RALYL: variants seen among roughly 807,000 people sequenced by gnomAD.
RALYL encodes the protein RALY RNA binding protein like, also known as RNA-binding Raly-like protein.
In RALYL, 29 loss-of-function variants were observed where a neutral mutation model predicts 35.1. The observed-to-expected ratio is 0.83, with a 90% CI of 0.61 to 1.13. RALYL has a LOEUF of 1.13. Ranked by LOEUF, RALYL falls within the 50% of genes most tolerant of loss-of-function variation. The pLI is 0.00. For synonymous variants in RALYL, 120 were observed against 127.6 expected, an observed-to-expected ratio of 0.94 and a Z score of 0.40; for missense variants, 359 against 360.4, an observed-to-expected ratio of 1.00 and a Z score of 0.03.
rs1811907199 is a variant in RALYL, at chr8:84,184,225, A to T, written c.-223A>T. On this transcript the variant is annotated 5_prime_UTR_variant, in exon 1 of 9. Transcript: ENST00000521268. ...TGACTTTTGCACATTTGACTTTTTT[A>T]AAAAACCGAGATAATTTTATGATAG... 2 of 152,224 alleles carry T rather than the reference A, an allele frequency of 1.3e-5. No individual in the cohort carries two copies. Among genetic ancestry groups the T allele is most frequent in the African/African-American group, 2.4e-5 (1 of 41,512 alleles). The allele number at this position is 152,224 out of a possible 1,614,324, so 9.4% of individuals were successfully genotyped here.
chr8:84,227,716 A>G (rs1824296386), intron 1 of RALYL, among the ~76,000 whole-genome samples: 1 of 152,124 alleles, frequency 6.6e-6, no homozygotes, highest in Admixed American at 6.6e-5. Flanking sequence ...TGTTACTATT[A>G]TGGAATAATG....
At chr8:84,261,907 A>T (rs995161220) in intron 1 of RALYL, among the ~76,000 whole-genome samples, 3 of 152,136 alleles carry the variant, frequency 2.0e-5, no homozygotes, top group Non-Finnish European at 4.4e-5. Flanking sequence ...TTCATAATTT[A>T]AAAAAATAAA....
At chr8:84,627,681 C>A (rs1033067630) in intron 2 of RALYL, among the ~76,000 whole-genome samples, 4 of 151,740 alleles carry the variant, frequency 2.6e-5, no homozygotes, top group Admixed American at 6.6e-5. Context: ...ATTTCTCTAG[C>A]TCAGACCTAT....
intron 1 of RALYL, among the ~76,000 whole-genome samples, chr8:84,378,123 CAG>C (rs1275949568): frequency 6.6e-6 from 1 of 151,900 alleles, no homozygotes; most frequent in Non-Finnish European, 1.5e-5. Context: ...CAATCAAAAA[CAG>C]ATATCCACTT....
chr8:84,350,630 C>T lies in RALYL; in HGVS notation c.-24+166206C>T, dbSNP rs1049503190. ...GGCACTAGTAAACTTCACAAAGCCA[C>T]GTTAATCAGAGTGCTACACCATTTA... On this transcript the variant is annotated intron_variant, in intron 1 of 8. Transcript: ENST00000521268. 3.3e-5 allele frequency among the ~76,000 whole-genome samples: 5 copies of T among 150,036 alleles called. 1 individual carries two copies. The highest frequency in any genetic ancestry group is 9.9e-5 in the African/African-American group (4 of 40,248).
At chr8:84,808,277 T>A (rs897969116) in intron 4 of RALYL, among the ~76,000 whole-genome samples, 1 of 152,212 alleles carries the variant, frequency 6.6e-6, no homozygotes, top group East Asian at 1.9e-4. Context: ...TCCCACTTTA[T>A]GTTTTTGTTT....
intron 8 of RALYL, among the ~76,000 whole-genome samples, chr8:84,888,385 A>G (rs1843255838): frequency 6.6e-6 from 1 of 152,202 alleles, no homozygotes; most frequent in Non-Finnish European, 1.5e-5. Context: ...CCTTTCCTGC[A>G]TAACCACATC....
rs779504337 is a variant in RALYL at position 84,529,586 on chromosome 8, T to G, written c.256+9T>G. The G allele has an allele frequency of 5.0e-6, 8 of 1,603,718 alleles. No homozygotes were observed. The highest frequency in any genetic ancestry group is 3.4e-4 in the Middle Eastern group (2 of 5,808). On this transcript the variant is annotated intron_variant, in intron 2 of 8. Coordinates refer to ENST00000521268, the MANE Select transcript of RALYL (RefSeq NM_173848.7). ...CGCCGGCCAACCACTTGGTAAGTCA[T>G]GCTCAGACATGGATCTCACGTTATT...
rs1053647755 is a variant in RALYL, at chr8:84,342,295, T to TATATATATATATATAA, written c.-24+157872_-24+157873insTATATATATATATAAA. Among the ~76,000 whole-genome samples, 5 of 119,698 alleles carry TATATATATATATATAA rather than the reference T, an allele frequency of 4.2e-5. 1 individual carries two copies. The highest frequency in any genetic ancestry group is 1.9e-4 in the African/African-American group (5 of 26,650). 78.5% of individuals were successfully genotyped at this position (119,698 alleles called of 152,430 possible). On this transcript the variant is annotated intron_variant, in intron 1 of 8. Coordinates refer to ENST00000521268, the MANE Select transcript of RALYL (RefSeq NM_173848.7). ...ATCGTTCAATATATATATATATATA[T>TATATATATATATATAA]AAAACTCAAAAAGTGTGGTCCTCCC...
intron 2 of RALYL, among the ~76,000 whole-genome samples, chr8:84,759,498 T>A (rs1483814427): frequency 6.6e-6 from 1 of 152,172 alleles, no homozygotes; most frequent in African/African-American, 2.4e-5. Context: ...CATACCTTTC[T>A]CTTTCTCAGG....
intron 7 of RALYL, among the ~76,000 whole-genome samples, chr8:84,875,712 G>C (rs1049363594): frequency 6.6e-5 from 10 of 151,914 alleles, no homozygotes; most frequent in Admixed American, 3.9e-4. Flanking sequence ...AGGTTTGCTT[G>C]GAAAGAATTA....
At chr8:84,703,469 A>G (rs1840581780) in intron 2 of RALYL, among the ~76,000 whole-genome samples, 1 of 152,154 alleles carries the variant, frequency 6.6e-6, no homozygotes, top group African/African-American at 2.4e-5. Context: ...TTTAAGGTGT[A>G]TAGGTGTGAT....
chr8:84,329,295 A>G (rs1760098796), intron 1 of RALYL, among the ~76,000 whole-genome samples: 1 of 152,130 alleles, frequency 6.6e-6, no homozygotes. Context: ...AATAATAGCC[A>G]TTCTGACTGT....
At chr8:84,810,162 C>T (rs1056174035) in intron 4 of RALYL, among the ~76,000 whole-genome samples, 2 of 152,036 alleles carry the variant, frequency 1.3e-5, no homozygotes, top group African/African-American at 2.4e-5. Flanking sequence ...TACTGTATCC[C>T]AGAGGTTTTG....
intron 1 of RALYL, among the ~76,000 whole-genome samples, chr8:84,401,595 G>A (rs929630011): frequency 4.9e-5 from 6 of 122,230 alleles, no homozygotes; most frequent in Admixed American, 3.3e-4. Context: ...CCCAGATAGC[G>A]CCACTGCAGT....
intron 4 of RALYL, among the ~76,000 whole-genome samples, chr8:84,814,038 T>G (rs1826561579): frequency 6.6e-6 from 1 of 152,118 alleles, no homozygotes; most frequent in Non-Finnish European, 1.5e-5. Flanking sequence ...CTGAGAATGA[T>G]GGTTTCCAGC....
At chr8:84,866,089 G>A (rs1839127142) in intron 6 of RALYL, among the ~76,000 whole-genome samples, 1 of 152,128 alleles carries the variant, frequency 6.6e-6, no homozygotes, top group African/African-American at 2.4e-5. Context: ...TTCTGCTTTA[G>A]AGATTTTTAA....
intron 2 of RALYL, among the ~76,000 whole-genome samples, chr8:84,569,699 T>C (rs1016882831): frequency 1.3e-5 from 2 of 151,786 alleles, no homozygotes; most frequent in African/African-American, 2.4e-5. Flanking sequence ...AGATTTTCTT[T>C]GAAGATTTTT....
At chr8:84,370,847 T>C (rs1009601335) in intron 1 of RALYL, among the ~76,000 whole-genome samples, 1 of 152,028 alleles carries the variant, frequency 6.6e-6, no homozygotes, top group Non-Finnish European at 1.5e-5. Context: ...GCAGTATATA[T>C]AGCTGCCTTA....
Sources: allele counts gnomAD v4.1 joint callset (sites outside exome capture counted in the v4.1 genomes callset), GRCh38; gene constraint gnomAD v4.1.1; transcripts MANE v1.5; gene names NCBI Gene and HGNC (gene_info 2026-07-23, HGNC 2026-07-21).